TENM4: variants seen among roughly 807,000 people sequenced by gnomAD.
TENM4 encodes teneurin transmembrane protein 4, also known as teneurin-4.
TENM4 carries 82 observed loss-of-function variants against 243.3 expected under a neutral mutation model. The observed-to-expected ratio is 0.34, with a 90% confidence interval of 0.28 to 0.40. TENM4 has a LOEUF of 0.40. Ranked by LOEUF, TENM4 falls within the 10% of genes least tolerant of loss-of-function variation. The pLI is 1.00. For synonymous variants in TENM4, 1,412 were observed against 1,456.3 expected, an observed-to-expected ratio of 0.97 and a Z score of 0.69; for missense variants, 3,138 against 3,673.3, an observed-to-expected ratio of 0.85 and a Z score of 3.77.
At position 79,438,591 on chromosome 11, in the gene TENM4, C is replaced by T. The variant is rs1859328386; in HGVS notation, c.-321+1918G>A. On this transcript the variant is annotated intron_variant, in intron 1 of 33. Transcript: ENST00000278550. This position sits in a 1 kb window ranked among gnomAD's most constrained non-coding sequence, Gnocchi z 4.1. ...GGGCATCTCCAAGGGGGACCAGGCA[C>T]CGCGGGCAGGTTTCTAAACACGTGA... is the stretch of plus-strand genomic sequence containing the variant. 6.6e-6 allele frequency among the ~76,000 whole-genome samples: 1 copy of T among 152,172 alleles called. No individual in the cohort carries two copies. The highest frequency in any genetic ancestry group is 1.9e-4 in the East Asian group (1 of 5,170).
chr11:79,135,255 C>T (rs960796990), intron 4 of TENM4, among the ~76,000 whole-genome samples: 4 of 152,088 alleles, frequency 2.6e-5, no homozygotes, highest in Middle Eastern at 3.4e-3. Context: ...TGCTCAATAT[C>T]GCTAGTGATC....
At chr11:78,758,165 C>G (rs1191898891) in intron 18 of TENM4, among the ~76,000 whole-genome samples, 1 of 152,172 alleles carries the variant, frequency 6.6e-6, no homozygotes, top group Non-Finnish European at 1.5e-5. Context: ...GTATTCCTGC[C>G]TGGGTTCAAA....
At chr11:78,891,896 C>T (rs1591105483) in intron 7 of TENM4, among the ~76,000 whole-genome samples, 1 of 152,282 alleles carries the variant, frequency 6.6e-6, no homozygotes. Flanking sequence ...TGGCCACTGT[C>T]TTCTAAAGCC....
chr11:78,729,254 G>T, intron 22 of TENM4, 122 bp downstream of exon 22: 3 of 1,111,694 alleles, frequency 2.7e-6, no homozygotes, highest in Non-Finnish European at 2.5e-6. Context: ...AGGTCTTAAA[G>T]GTCAATTAAG....
intron 9 of TENM4, among the ~76,000 whole-genome samples, chr11:78,882,972 T>C (rs1855464337): frequency 6.6e-6 from 1 of 152,210 alleles, no homozygotes; most frequent in Non-Finnish European, 1.5e-5. Context: ...CAAATTGGAA[T>C]GTTCCACTGT....
rs536442062 is a variant in TENM4 at position 78,924,835 on chromosome 11, G to T, written c.494-21312C>A. ...TATCACTATACTAATAGAATTTAAA[G>T]AATTTGACAAGCAAATTCAATCACT... On this transcript the variant is annotated intron_variant, in intron 6 of 33. Transcript: ENST00000278550. 7.2e-5 allele frequency: 11 copies of T among 152,288 alleles called. No homozygotes were observed. In the East Asian group the frequency reaches 2.1e-3, roughly 29 times the overall value. The allele number at this position is 152,288 out of a possible 1,614,324, so 9.4% of individuals were successfully genotyped here. A position where few individuals can be genotyped will look rare whatever the true frequency, so the allele number is the denominator to read the frequency against.
At chr11:78,789,289 T>C (rs1857004821) in intron 15 of TENM4, among the ~76,000 whole-genome samples, 1 of 102,180 alleles carries the variant, frequency 9.8e-6, no homozygotes, top group Non-Finnish European at 2.9e-5. Flanking sequence ...GCGACCTGCC[T>C]GTATGAGACT....
At chr11:78,710,380 C>T (rs1198358324) in intron 26 of TENM4, among the ~76,000 whole-genome samples, 1 of 152,194 alleles carries the variant, frequency 6.6e-6, no homozygotes, top group Non-Finnish European at 1.5e-5. Context: ...TTAAGATGCC[C>T]AGGGGCCTCT....
chr11:79,241,717 CGT>C (rs150886497), intron 2 of TENM4, among the ~76,000 whole-genome samples: 46 of 151,054 alleles, frequency 3.0e-4, no homozygotes, highest in African/African-American at 9.5e-4. Context: ...CACATGTGAG[CGT>C]GTGTGTGTGT....
chr11:79,271,197 G>A (rs775633043), intron 2 of TENM4, among the ~76,000 whole-genome samples: 1 of 152,166 alleles, frequency 6.6e-6, no homozygotes, highest in African/African-American at 2.4e-5. Context: ...CAAGCTGCAA[G>A]GGGAACATTC....
chr11:78,691,865 A>G (rs1435118113), intron 28 of TENM4, among the ~76,000 whole-genome samples: 6 of 152,200 alleles, frequency 3.9e-5, no homozygotes, highest in Non-Finnish European at 1.5e-5. Context: ...TACCTTCCAG[A>G]GCTTGGGAAA....
chr11:79,057,532 C>T (rs1447502966), intron 6 of TENM4, among the ~76,000 whole-genome samples: 1 of 152,206 alleles, frequency 6.6e-6, no homozygotes. Flanking sequence ...TGCCCAGACT[C>T]ACCCTGGGGA....
chr11:79,043,822 A>G (rs942692006), intron 6 of TENM4, among the ~76,000 whole-genome samples: 1 of 152,190 alleles, frequency 6.6e-6, no homozygotes, highest in Non-Finnish European at 1.5e-5. Flanking sequence ...CCACAGTGCT[A>G]TTCTTATCTC....
At chr11:78,999,537 CA>C (rs1164584608) in intron 6 of TENM4, among the ~76,000 whole-genome samples, 3 of 151,642 alleles carry the variant, frequency 2.0e-5, no homozygotes, top group Admixed American at 6.6e-5. Flanking sequence ...CAAAACAAAA[CA>C]AAAAAACCAC....
chr11:78,932,756 A>G (rs940354329), intron 6 of TENM4, among the ~76,000 whole-genome samples: 1 of 152,170 alleles, frequency 6.6e-6, no homozygotes, highest in African/African-American at 2.4e-5. Context: ...ATCATCAGGC[A>G]TTAGATTATC....
chr11:78,784,174 C>T (rs1211409884), intron 16 of TENM4, among the ~76,000 whole-genome samples: 2 of 152,178 alleles, frequency 1.3e-5, no homozygotes, highest in Non-Finnish European at 2.9e-5. Flanking sequence ...GAAAATTTAA[C>T]ACTTTGAATT....
At chr11:79,154,312 T>C (rs983619819) in intron 3 of TENM4, among the ~76,000 whole-genome samples, 4 of 151,862 alleles carry the variant, frequency 2.6e-5, no homozygotes, top group African/African-American at 9.7e-5. Context: ...GGAGGTGCCA[T>C]GTTCTTCTAA....
At chr11:79,421,001 T>G (rs1043009659) in intron 1 of TENM4, among the ~76,000 whole-genome samples, 1 of 152,176 alleles carries the variant, frequency 6.6e-6, no homozygotes, top group Non-Finnish European at 1.5e-5. Context: ...TGTGTGTGCA[T>G]TAGATGAGTC....
At chr11:78,920,905 G>A (rs935720820) in intron 6 of TENM4, among the ~76,000 whole-genome samples, 1 of 152,180 alleles carries the variant, frequency 6.6e-6, no homozygotes, top group African/African-American at 2.4e-5. Context: ...TTCCTCGTAA[G>A]TACATGCTGA....
Sources: gnomAD v4.1 joint callset for allele counts (sites outside exome capture counted in the v4.1 genomes callset) on GRCh38, gnomAD v4.1.1 for gene constraint, Gnocchi (gnomAD v3.1) non-coding constraint, MANE v1.5 for transcripts, NCBI Gene and HGNC (gene_info 2026-07-23, HGNC 2026-07-21) for gene names.